Variants in SLC4A10 observed in about 807,000 individuals in gnomAD.
SLC4A10 encodes the protein solute carrier family 4 member 10, also known as sodium-driven chloride bicarbonate exchanger.
SLC4A10 carries 42 observed loss-of-function variants against 137.7 expected under a neutral mutation model. The observed-to-expected ratio is 0.30, with a 90% CI of 0.24 to 0.39. SLC4A10 has a LOEUF of 0.39. Among genes scored for constraint, SLC4A10 ranks in the 10% least tolerant of loss-of-function variants. SLC4A10 has a pLI of 1.00. For missense variants in SLC4A10, 925 were observed against 1,355.0 expected (o/e 0.68, Z 4.98); for synonymous variants, 474 against 464.1 (o/e 1.02, Z -0.27).
At chr2:161,917,854 G>C (rs1263511482) in intron 15 of SLC4A10, among the ~76,000 whole-genome samples, 1 of 152,096 alleles carries the variant, frequency 6.6e-6, no homozygotes, top group Non-Finnish European at 1.5e-5. Context: ...GCACAAAGTA[G>C]GTGTTCAATA....
intron 15 of SLC4A10, among the ~76,000 whole-genome samples, chr2:161,933,189 TTC>T (rs1218972110): frequency 3.7e-5 from 2 of 54,492 alleles, no homozygotes; most frequent in African/African-American, 1.4e-4. Context: ...CTTCTTTTCT[TTC>T]TTTCTTTCTT....
At chr2:161,853,608 T>C (rs1381041132) in intron 4 of SLC4A10, among the ~76,000 whole-genome samples, 1 of 152,218 alleles carries the variant, frequency 6.6e-6, no homozygotes. Context: ...TGGCCCTGTT[T>C]AGGACTGAAA....
At chr2:161,916,951 C>T (rs555685811) in intron 15 of SLC4A10, among the ~76,000 whole-genome samples, 2 of 152,040 alleles carry the variant, frequency 1.3e-5, no homozygotes, top group Non-Finnish European at 2.9e-5. Context: ...TTGAAGTATG[C>T]CCTTAAGTGA....
At chr2:161,722,311 A>C (rs534254645) in intron 1 of SLC4A10, among the ~76,000 whole-genome samples, 1 of 152,106 alleles carries the variant, frequency 6.6e-6, no homozygotes, top group Non-Finnish European at 1.5e-5. Flanking sequence ...TCTCATCTTC[A>C]TGAGCTTATC....
intron 21 of SLC4A10, among the ~76,000 whole-genome samples, chr2:161,960,457 C>T (rs868730577): frequency 3.3e-5 from 5 of 150,960 alleles, no homozygotes; most frequent in South Asian, 2.1e-4. Context: ...AGGCCAGGCA[C>T]GGTCAGCTCA....
intron 1 of SLC4A10, among the ~76,000 whole-genome samples, chr2:161,731,642 T>A (rs2046833509): frequency 6.6e-6 from 1 of 152,174 alleles, no homozygotes; most frequent in Non-Finnish European, 1.5e-5. Flanking sequence ...ACTCAGAAAG[T>A]AAATTTAGGT....
At chr2:161,872,246 A>C in intron 6 of SLC4A10, 47 bp from the exon 7 acceptor site, 1 of 1,470,576 alleles carries the variant, frequency 6.8e-7, no homozygotes, top group South Asian at 1.1e-5. Flanking sequence ...GTATGTCTAC[A>C]ACTATGTAAG....
At chr2:161,920,681 T>A (rs1687969079) in intron 15 of SLC4A10, among the ~76,000 whole-genome samples, 1 of 152,150 alleles carries the variant, frequency 6.6e-6, no homozygotes, top group African/African-American at 2.4e-5. Context: ...CTGGGGGAGG[T>A]GGTGCTCTTC....
chr2:161,647,380 A>G (rs1406856302), intron 1 of SLC4A10, among the ~76,000 whole-genome samples: 2 of 152,102 alleles, frequency 1.3e-5, no homozygotes, highest in Admixed American at 6.5e-5. Flanking sequence ...TTAATTGATA[A>G]TCAAGATGAT....
intron 8 of SLC4A10, among the ~76,000 whole-genome samples, chr2:161,878,532 G>A (rs1301547045): frequency 6.6e-6 from 1 of 151,884 alleles, no homozygotes; most frequent in Non-Finnish European, 1.5e-5. Flanking sequence ...AACTCCAAAT[G>A]TTAATATTTT....
At chr2:161,730,838 A>G (rs2046749750) in intron 1 of SLC4A10, among the ~76,000 whole-genome samples, 1 of 152,202 alleles carries the variant, frequency 6.6e-6, no homozygotes, top group South Asian at 2.1e-4. Flanking sequence ...CTAATGTTAA[A>G]CCATATTCAT....
intron 7 of SLC4A10, among the ~76,000 whole-genome samples, chr2:161,873,193 A>G (rs2061244328): frequency 6.6e-6 from 1 of 152,202 alleles, no homozygotes; most frequent in South Asian, 2.1e-4. Flanking sequence ...AAATAAAAAC[A>G]TATTAAGAAC....
intron 17 of SLC4A10, among the ~76,000 whole-genome samples, chr2:161,948,313 G>A (rs1450534788): frequency 1.3e-5 from 2 of 152,096 alleles, no homozygotes; most frequent in Non-Finnish European, 2.9e-5. Flanking sequence ...TCTGAGGGAT[G>A]AGCTATAGAT....
At chr2:161,652,376 A>AT (rs1409712629) in intron 1 of SLC4A10, among the ~76,000 whole-genome samples, 1 of 151,992 alleles carries the variant, frequency 6.6e-6, no homozygotes, top group Admixed American at 6.6e-5. Context: ...GGCATTGGTA[A>AT]TTTTTTCTTG....
chr2:161,738,199 C>T (rs1053034161), intron 1 of SLC4A10, among the ~76,000 whole-genome samples: 1 of 152,182 alleles, frequency 6.6e-6, no homozygotes, highest in African/African-American at 2.4e-5. Flanking sequence ...ACAAAATGGG[C>T]TGGAAGGTAC....
In SLC4A10 at chr2:161,964,691, A is replaced by G. The variant is rs558172770; in HGVS notation, c.3037-360A>G. ...AAAACTATAGTGAATTTGAATGACT[A>G]AATAATTTCATAATTATTAGTATAG... On this transcript the variant is annotated intron_variant, in intron 22 of 26. Transcript: ENST00000446997. 9.1e-4 allele frequency among the ~76,000 whole-genome samples: 138 copies of G among 152,306 alleles called. 1 individual carries two copies. The highest frequency in any genetic ancestry group is 3.2e-3 in the African/African-American group (133 of 41,580).
chr2:161,904,456 G>A (rs1683861939), intron 13 of SLC4A10, among the ~76,000 whole-genome samples: 1 of 152,082 alleles, frequency 6.6e-6, no homozygotes. Context: ...CTCCATTCTT[G>A]TCTCACAAGA....
At chr2:161,812,070 C>T (rs2056604333) in intron 3 of SLC4A10, among the ~76,000 whole-genome samples, 1 of 152,000 alleles carries the variant, frequency 6.6e-6, no homozygotes, top group African/African-American at 2.4e-5. Context: ...TATCTGGCTT[C>T]AGTAACTATT....
chr2:161,816,020 G>A (rs2057024115), intron 3 of SLC4A10, among the ~76,000 whole-genome samples: 1 of 152,042 alleles, frequency 6.6e-6, no homozygotes, highest in Non-Finnish European at 1.5e-5. Context: ...AGTTTCTCTA[G>A]TACTAATCTT....
Sources: gnomAD v4.1 joint callset for allele counts (sites outside exome capture counted in the v4.1 genomes callset) on GRCh38, gnomAD v4.1.1 for gene constraint, MANE v1.5 for transcripts, NCBI Gene and HGNC (gene_info 2026-07-23, HGNC 2026-07-21) for gene names.